DPF3: variants seen among roughly 807,000 people sequenced by gnomAD.
The protein encoded by DPF3 is double PHD fingers 3.
Under a neutral mutation model 56.8 loss-of-function variants are expected in DPF3, and 18 were observed. The observed-to-expected ratio is 0.32, with a 90% confidence interval of 0.22 to 0.47. The LOEUF (loss-of-function observed/expected upper bound fraction) is 0.47. Ranked by LOEUF, DPF3 falls within the 20% of genes least tolerant of loss-of-function variation. DPF3 has a pLI of 1.00. For synonymous variants in DPF3, 188 were observed against 180.2 expected, an observed-to-expected ratio of 1.04 and a Z score of -0.35; for missense variants, 403 against 488.8, an observed-to-expected ratio of 0.82 and a Z score of 1.65.
intron 1 of DPF3, among the ~76,000 whole-genome samples, chr14:72,819,732 T>C (rs1033676326): frequency 6.6e-6 from 1 of 151,064 alleles, no homozygotes; most frequent in African/African-American, 2.4e-5. Flanking sequence ...AGCCCAGGAG[T>C]TCAAGACCAG....
At chr14:72,817,844 A>C (rs1314042691) in intron 1 of DPF3, among the ~76,000 whole-genome samples, 1 of 152,246 alleles carries the variant, frequency 6.6e-6, no homozygotes, top group Non-Finnish European at 1.5e-5. Flanking sequence ...ACCTATTTTC[A>C]CTTCTTTTAA....
intron 7 of DPF3, among the ~76,000 whole-genome samples, chr14:72,676,082 C>A (rs1490888367): frequency 6.6e-6 from 1 of 152,114 alleles, no homozygotes; most frequent in Non-Finnish European, 1.5e-5. Context: ...CTCTATGAAG[C>A]AAATAAACTC....
chr14:72,751,150 A>G (rs760500863), intron 3 of DPF3, among the ~76,000 whole-genome samples: 1 of 152,214 alleles, frequency 6.6e-6, no homozygotes, highest in Non-Finnish European at 1.5e-5. Context: ...CATTGCAACT[A>G]CTGCACACCA....
chr14:72,694,205 A>AG (rs1887815834), intron 6 of DPF3, among the ~76,000 whole-genome samples: 1 of 152,172 alleles, frequency 6.6e-6, no homozygotes, highest in Non-Finnish European at 1.5e-5. Flanking sequence ...CTCGGCCCCT[A>AG]GGGGGACGGC....
rs1179742428 is a variant in DPF3 at position 72,818,815 on chromosome 14, A to AT, written c.33-46923dup. ...TTTATGTTACGTATATTTTACTACA[A>AT]TTTTTTTAAAAGATGTTGTTAAGAG... On this transcript the variant is annotated intron_variant, in intron 1 of 10. Transcript: ENST00000556509. 2.0e-5 allele frequency among the ~76,000 whole-genome samples: 3 copies of AT among 152,160 alleles called. 1 individual carries two copies. The highest frequency in any genetic ancestry group is 4.4e-5 in the Non-Finnish European group (3 of 68,038).
Position 72,780,065 on chromosome 14 carries a change from GATGAGTGA to G in DPF3, c.33-8180_33-8173del, listed in dbSNP as rs529415055. 5.3e-5 allele frequency among the ~76,000 whole-genome samples: 8 copies of G among 152,366 alleles called. No homozygotes were observed. In the East Asian group the frequency reaches 1.5e-3, roughly 29 times the overall value. ...GTCATGCCTGCCACATTGGGTAAAT[GATGAGTGA>G]ATGAGTGAATGAATGAATCCTCCTC... On this transcript the variant is annotated intron_variant, in intron 1 of 10. Coordinates refer to ENST00000556509, the MANE Select transcript of DPF3 (RefSeq NM_001280542.3).
intron 8 of DPF3, 61 bp from the exon 9 acceptor site, chr14:72,629,797 C>T: frequency 7.6e-7 from 1 of 1,313,074 alleles, no homozygotes; most frequent in South Asian, 1.3e-5. Context: ...CCCTCAACAC[C>T]ACTCACTGGA....
intron 6 of DPF3, among the ~76,000 whole-genome samples, chr14:72,702,242 CAAG>C (rs1434535874): frequency 6.6e-6 from 1 of 150,866 alleles, no homozygotes; most frequent in African/African-American, 2.4e-5. Context: ...TTGCTCTCGG[CAAG>C]AAGGAGGCAC....
chr14:72,714,621 C>T (rs968781328), intron 5 of DPF3, 120 bp from the exon 6 acceptor site: 2 of 1,114,292 alleles, frequency 1.8e-6, no homozygotes, highest in South Asian at 1.5e-5. Context: ...ACACCAGTCC[C>T]ATCTTACAGG....
chr14:72,625,637 A>T (rs567052885), intron 9 of DPF3, among the ~76,000 whole-genome samples: 1 of 152,352 alleles, frequency 6.6e-6, no homozygotes, highest in East Asian at 1.9e-4. Context: ...CCCAGCCAAC[A>T]CAGCTAGGAA....
chr14:72,622,159 C>T (rs1884490885), intron 9 of DPF3, among the ~76,000 whole-genome samples: 1 of 152,184 alleles, frequency 6.6e-6, no homozygotes, highest in Non-Finnish European at 1.5e-5. Flanking sequence ...TAGAAATGTA[C>T]ATTTTTCTAT....
intron 1 of DPF3, among the ~76,000 whole-genome samples, chr14:72,872,103 C>T (rs1264149973): frequency 6.6e-6 from 1 of 152,250 alleles, no homozygotes; most frequent in African/African-American, 2.4e-5. Flanking sequence ...GGCTTCCACC[C>T]TCTGAAGTCA....
chr14:72,862,596 A>G (rs146971404), intron 1 of DPF3, among the ~76,000 whole-genome samples: 244 of 152,040 alleles, frequency 1.6e-3, no homozygotes, highest in African/African-American at 5.4e-3. Context: ...AAGTGCTCCT[A>G]TTCCTCCCAC....
At position 72,612,460 on chromosome 14, in the gene DPF3, T is replaced by C. The variant is rs1470644307; in HGVS notation, c.*6837A>G. The C allele has an allele frequency of 7.7e-6, 4 of 518,702 alleles. No homozygotes were observed. Among genetic ancestry groups the C allele is most frequent in the African/African-American group, 1.9e-5 (1 of 51,930 alleles). The allele number at this position is 518,702 out of a possible 1,614,324, so 32.1% of individuals were successfully genotyped here. A position where few individuals can be genotyped will look rare whatever the true frequency, so the allele number is the denominator to read the frequency against. On this transcript the variant is annotated 3_prime_UTR_variant, in exon 11 of 11. Coordinates refer to ENST00000556509, the MANE Select transcript of DPF3 (RefSeq NM_001280542.3). Reference sequence around the variant, plus strand: ...TTTTTTTCTAGTACCTAATTTAGGCTTCTTCAACTACATGTTGAAAATGTG... The same window carrying C: ...TTTTTTTCTAGTACCTAATTTAGGCCTCTTCAACTACATGTTGAAAATGTG...
At chr14:72,664,450 G>C (rs1252987639) in intron 8 of DPF3, among the ~76,000 whole-genome samples, 2 of 151,840 alleles carry the variant, frequency 1.3e-5, no homozygotes, top group African/African-American at 4.8e-5. Context: ...CTCTGGTCAG[G>C]TCAACTGCAG....
At chr14:72,870,227 T>C (rs1447344867) in intron 1 of DPF3, among the ~76,000 whole-genome samples, 2 of 152,168 alleles carry the variant, frequency 1.3e-5, no homozygotes, top group Admixed American at 6.5e-5. Flanking sequence ...AGGTGCCTGT[T>C]ACCTACCACC....
chr14:72,619,428 C>G lies in DPF3; in HGVS notation c.1067-61G>C, dbSNP rs561638552. On this transcript the variant is annotated intron_variant, in intron 10 of 10. Transcript: ENST00000556509. ...CTGCTAACTCTGGAGCCCCACCCCA[C>G]TGGCCCTAACTTCTTGTAAATCCTG... The G allele has an allele frequency of 2.6e-4, 388 of 1,499,790 alleles. 1 individual carries two copies. The African/African-American group carries it at 4.5e-3, about 17-fold the overall frequency. 92.9% of individuals were successfully genotyped at this position (1,499,790 alleles called of 1,614,324 possible).
chr14:72,658,938 T>C (rs1434672790), intron 8 of DPF3, among the ~76,000 whole-genome samples: 1 of 152,208 alleles, frequency 6.6e-6, no homozygotes, highest in Non-Finnish European at 1.5e-5. Flanking sequence ...GTTTTCATTT[T>C]TCATTTATCA....
At chr14:72,791,699 C>T (rs917742298) in intron 1 of DPF3, among the ~76,000 whole-genome samples, 12 of 152,342 alleles carry the variant, frequency 7.9e-5, no homozygotes, top group Admixed American at 7.8e-4. Context: ...TTGCCATTTG[C>T]ATACATTCAC....
Sources: gnomAD v4.1 joint callset for allele counts (sites outside exome capture counted in the v4.1 genomes callset) on GRCh38, gnomAD v4.1.1 for gene constraint, MANE v1.5 for transcripts, NCBI Gene and HGNC (gene_info 2026-07-23, HGNC 2026-07-21) for gene names.